The following CSMD1 variants were observed in gnomAD, a reference collection of about 807,000 sequenced individuals.
The protein encoded by CSMD1 is CUB and sushi domain-containing protein 1.
In CSMD1, 213 loss-of-function variants were observed where a neutral mutation model predicts 417.5. That is an observed-to-expected ratio of 0.51 (90% confidence interval 0.46 to 0.57). The LOEUF (loss-of-function observed/expected upper bound fraction) is 0.57, where lower values mean the gene tolerates loss of function less well. CSMD1 is among the 20% of genes least tolerant of loss of function. CSMD1 has a pLI of 0.00. For synonymous variants in CSMD1, 2,862 were observed against 1,736.8 expected (o/e 1.65, Z -16.11); for missense variants, 6,923 against 4,529.7 (o/e 1.53, Z -15.17).
intron 1 of CSMD1, among the ~76,000 whole-genome samples, chr8:4,638,255 G>C (rs867390211): frequency 6.6e-5 from 10 of 152,138 alleles, no homozygotes; most frequent in Middle Eastern, 3.4e-3. Context: ...CTAAGTTACA[G>C]AAGAATAAAC....
intron 25 of CSMD1, among the ~76,000 whole-genome samples, chr8:3,305,035 AT>A (rs1563250327): frequency 2.0e-5 from 3 of 152,244 alleles, no homozygotes; most frequent in Non-Finnish European, 4.4e-5. Context: ...TTAAGGACTA[AT>A]ATTTAATTTA....
intron 1 of CSMD1, among the ~76,000 whole-genome samples, chr8:4,875,613 G>C (rs1396458283): frequency 6.6e-6 from 1 of 152,064 alleles, no homozygotes; most frequent in Non-Finnish European, 1.5e-5. Flanking sequence ...CGTAGCTTGA[G>C]TTGTTTGCAA....
chr8:3,989,971 G>A (rs543653071), intron 5 of CSMD1, among the ~76,000 whole-genome samples: 1 of 152,210 alleles, frequency 6.6e-6, no homozygotes, highest in Non-Finnish European at 1.5e-5. Context: ...TCTAAATGAA[G>A]ATATCAAAAT....
Position 4,739,756 on chromosome 8 carries a change from A to G in CSMD1, c.86-102198T>C, listed in dbSNP as rs193135755. Among the ~76,000 whole-genome samples the G allele has an allele frequency of 1.1e-4, 16 of 152,148 alleles. No individual in the cohort carries two copies. The East Asian group carries it at 3.1e-3, about 30-fold the overall frequency. On this transcript the variant is annotated intron_variant, in intron 1 of 69. Coordinates refer to ENST00000635120, the MANE Select transcript of CSMD1 (RefSeq NM_033225.6). ...TACTTTGCTCCCTATCCCTTCCCAC[A>G]AAGATTCTCCAGTCCCTCTCTTTGG...
chr8:3,308,732 G>GTTTTTTTT (rs5888961), intron 23 of CSMD1, among the ~76,000 whole-genome samples: 129 of 108,930 alleles, frequency 1.2e-3, no homozygotes, highest in East Asian at 3.0e-3. Flanking sequence ...CTACTTACAA[G>GTTTTTTTT]TTTTTTTTTT....
intron 23 of CSMD1, among the ~76,000 whole-genome samples, chr8:3,309,223 C>G (rs1237207846): frequency 6.6e-6 from 1 of 152,146 alleles, no homozygotes; most frequent in African/African-American, 2.4e-5. Flanking sequence ...GGGTGCTTTG[C>G]AGAATCCTGA....
At chr8:4,562,379 G>T (rs17070626) in intron 2 of CSMD1, among the ~76,000 whole-genome samples, 1 of 152,164 alleles carries the variant, frequency 6.6e-6, no homozygotes, top group Admixed American at 6.5e-5. Flanking sequence ...AAAGACTGAG[G>T]CATGAACCTA....
chr8:4,406,751 CAAAG>C (rs2128931960), intron 3 of CSMD1, among the ~76,000 whole-genome samples: 1 of 152,122 alleles, frequency 6.6e-6, no homozygotes, highest in African/African-American at 2.4e-5. Flanking sequence ...TGTTTGCCAA[CAAAG>C]AAAAAAATAA....
intron 11 of CSMD1, among the ~76,000 whole-genome samples, chr8:3,493,097 C>A (rs1446403703): frequency 6.6e-6 from 1 of 151,856 alleles, no homozygotes; most frequent in Non-Finnish European, 1.5e-5. Flanking sequence ...AGTTCGAGAC[C>A]AACCGGGCCA....
At chr8:4,198,228 C>T (rs897543215) in intron 3 of CSMD1, among the ~76,000 whole-genome samples, 1 of 152,182 alleles carries the variant, frequency 6.6e-6, no homozygotes, top group Non-Finnish European at 1.5e-5. Context: ...AGGTGCGGAG[C>T]ACCACATCCC....
At chr8:3,461,545 G>T (rs1446031047) in intron 12 of CSMD1, among the ~76,000 whole-genome samples, 1 of 152,160 alleles carries the variant, frequency 6.6e-6, no homozygotes, top group Non-Finnish European at 1.5e-5. Flanking sequence ...TAGGCAATGT[G>T]GTTGTAGAGA....
intron 3 of CSMD1, among the ~76,000 whole-genome samples, chr8:4,340,719 C>T (rs375220088): frequency 6.6e-6 from 1 of 151,960 alleles, no homozygotes; most frequent in African/African-American, 2.4e-5. Flanking sequence ...AATATCAGCA[C>T]GTGGAACAAA....
intron 57 of CSMD1, among the ~76,000 whole-genome samples, chr8:2,972,179 C>G (rs930539313): frequency 2.6e-5 from 4 of 151,398 alleles, no homozygotes; most frequent in Non-Finnish European, 5.9e-5. Flanking sequence ...TTCTATTTAC[C>G]TATATAGAAT....
intron 3 of CSMD1, among the ~76,000 whole-genome samples, chr8:4,273,636 G>C (rs1585137348): frequency 6.6e-6 from 1 of 152,048 alleles, no homozygotes; most frequent in Non-Finnish European, 1.5e-5. Flanking sequence ...ATTTTATCTA[G>C]AAACTCTAAT....
In CSMD1 at chr8:3,948,069, G is replaced by A. The variant is rs150672065; in HGVS notation, c.818+49834C>T. Among the ~76,000 whole-genome samples the A allele has an allele frequency of 5.8e-4, 88 of 152,212 alleles. 1 individual carries two copies. The highest frequency in any genetic ancestry group is 2.9e-3 in the South Asian group (14 of 4,816). On this transcript the variant is annotated intron_variant, in intron 5 of 69. Transcript: ENST00000635120. ...AAAAATATAAAAATTATCTGGGCAT[G>A]GTGGCAAGTGCCTTTAATCCCAGCT...
intron 49 of CSMD1, among the ~76,000 whole-genome samples, chr8:3,082,110 CT>C (rs2129003514): frequency 1.3e-5 from 2 of 152,232 alleles, no homozygotes; most frequent in African/African-American, 4.8e-5. Context: ...TTTTCAATAC[CT>C]GTTTTCATGC....
intron 3 of CSMD1, among the ~76,000 whole-genome samples, chr8:4,177,077 G>T (rs1798089778): frequency 6.6e-6 from 1 of 152,076 alleles, no homozygotes; most frequent in Admixed American, 6.5e-5. Context: ...GCACCAAGCG[G>T]ACCTAATAGA....
intron 23 of CSMD1, among the ~76,000 whole-genome samples, chr8:3,311,403 T>C (rs62504439): frequency 0.14 from 20,881 of 152,046 alleles, 1,483 homozygotes; most frequent in African/African-American, 0.15. Flanking sequence ...GTGCGAGCCA[T>C]CACACCCAGC....
intron 25 of CSMD1, 81 bp downstream of exon 25, chr8:3,307,614 T>G (rs985712848): frequency 4.2e-6 from 6 of 1,427,154 alleles, no homozygotes; most frequent in Non-Finnish European, 5.7e-6. Flanking sequence ...CCATGGATAT[T>G]TGGTGTACCA....
Sources: gnomAD v4.1 joint callset for allele counts (sites outside exome capture counted in the v4.1 genomes callset) on GRCh38, gnomAD v4.1.1 for gene constraint, MANE v1.5 for transcripts, NCBI Gene and HGNC (gene_info 2026-07-23, HGNC 2026-07-21) for gene names.